Variants in ERBIN observed in about 807,000 individuals in gnomAD.
ERBIN encodes densin-180-like protein.
Under a neutral mutation model 158.4 loss-of-function variants are expected in ERBIN, and 60 were observed. The observed-to-expected ratio is 0.38, with a 90% CI of 0.31 to 0.47. The LOEUF is 0.47. ERBIN is among the 20% of genes least tolerant of loss of function. The probability of loss-of-function intolerance (pLI) is 0.99; values close to 1 mark genes in which losing one functional copy is unlikely to be tolerated. For missense variants in ERBIN, 1,610 were observed against 1,648.0 expected (o/e 0.98, Z 0.40); for synonymous variants, 594 against 557.2 (o/e 1.07, Z -0.93).
chr5:66,036,317 T>C (rs1349655737), intron 14 of ERBIN, among the ~76,000 whole-genome samples: 1 of 152,168 alleles, frequency 6.6e-6, no homozygotes, highest in Non-Finnish European at 1.5e-5. Flanking sequence ...TAAAACCTTT[T>C]CATTGTTTCT....
intron 1 of ERBIN, among the ~76,000 whole-genome samples, chr5:65,943,944 C>T (rs551040843): frequency 6.6e-6 from 1 of 152,276 alleles, no homozygotes; most frequent in South Asian, 2.1e-4. Context: ...GCATATTGTC[C>T]TCAAGGTTCA....
At chr5:66,062,771 A>G (rs759056370) in intron 21 of ERBIN, among the ~76,000 whole-genome samples, 14 of 152,158 alleles carry the variant, frequency 9.2e-5, no homozygotes, top group Non-Finnish European at 1.6e-4. Context: ...CACAACCCTC[A>G]GCTGCAGGTC....
chr5:65,979,588 T>C (rs1673610801), intron 1 of ERBIN, among the ~76,000 whole-genome samples: 1 of 152,226 alleles, frequency 6.6e-6, no homozygotes, highest in Non-Finnish European at 1.5e-5. Flanking sequence ...GAAAAGAACA[T>C]TAAGGCAATT....
intron 21 of ERBIN, among the ~76,000 whole-genome samples, chr5:66,058,431 A>G: frequency 6.6e-6 from 1 of 151,840 alleles, no homozygotes; most frequent in East Asian, 1.9e-4. Flanking sequence ...GATTCTGGAT[A>G]TTAGCCCTTT....
At chr5:65,956,469 C>T (rs1168642359) in intron 1 of ERBIN, among the ~76,000 whole-genome samples, 1 of 146,902 alleles carries the variant, frequency 6.8e-6, no homozygotes, top group Non-Finnish European at 1.5e-5. Flanking sequence ...CTTTGCCTCT[C>T]AGGCTCAAGC....
At chr5:66,023,928 C>T (rs1342519273) in intron 9 of ERBIN, among the ~76,000 whole-genome samples, 4 of 152,072 alleles carry the variant, frequency 2.6e-5, no homozygotes, top group East Asian at 3.9e-4. Flanking sequence ...CCGCCTGCCT[C>T]GGCCTACCAA....
At chr5:66,025,389 C>A in intron 10 of ERBIN, 91 bp from the exon 11 acceptor site, 1 of 925,996 alleles carries the variant, frequency 1.1e-6, no homozygotes, top group Non-Finnish European at 1.8e-6. Context: ...GTTTCTAATT[C>A]TTGTCAGATG....
chr5:66,062,247 A>T (rs187542531), intron 21 of ERBIN, among the ~76,000 whole-genome samples: 6,166 of 152,096 alleles, frequency 0.041, 418 homozygotes, highest in African/African-American at 0.14. Context: ...GTTTCTTTTT[A>T]TTCTTTTTTC....
chr5:66,026,277 T>C (rs777026938), intron 12 of ERBIN, 25 bp from the exon 13 acceptor site: 4 of 1,483,554 alleles, frequency 2.7e-6, no homozygotes, highest in Middle Eastern at 1.8e-4. Flanking sequence ...AATTTTTTGA[T>C]ACTCAGTTTA....
chr5:66,071,377 G>A (rs916957868), intron 21 of ERBIN, among the ~76,000 whole-genome samples: 1 of 151,954 alleles, frequency 6.6e-6, no homozygotes, highest in Non-Finnish European at 1.5e-5. Flanking sequence ...CAAAAAGAAA[G>A]AAAGAAAGAA....
intron 1 of ERBIN, among the ~76,000 whole-genome samples, chr5:65,947,864 A>G (rs565912562): frequency 1.3e-5 from 2 of 152,088 alleles, no homozygotes; most frequent in East Asian, 3.9e-4. Context: ...AAAATTAGCC[A>G]GGCATGGTGG....
At chr5:66,049,889 A>G (rs556130482) in intron 19 of ERBIN, among the ~76,000 whole-genome samples, 12 of 152,270 alleles carry the variant, frequency 7.9e-5, no homozygotes, top group African/African-American at 2.9e-4. Flanking sequence ...ATTGCTACAC[A>G]CACAACCACC....
intron 21 of ERBIN, among the ~76,000 whole-genome samples, chr5:66,063,077 G>A (rs957843045): frequency 3.9e-5 from 6 of 152,210 alleles, no homozygotes; most frequent in Admixed American, 1.3e-4. Context: ...TGTCAGACAG[G>A]GACATTTAAG....
intron 1 of ERBIN, among the ~76,000 whole-genome samples, chr5:65,981,281 T>TTTAA (rs1429635175): frequency 6.6e-6 from 1 of 152,156 alleles, no homozygotes; most frequent in African/African-American, 2.4e-5. Flanking sequence ...AGTGCTTAAA[T>TTTAA]TATTAAAGTA....
intron 9 of ERBIN, 54 bp downstream of exon 9, chr5:66,023,418 T>A (rs1322853355): frequency 8.9e-7 from 1 of 1,125,830 alleles, no homozygotes; most frequent in Non-Finnish European, 1.3e-6. Flanking sequence ...TCCTTTGCAG[T>A]TTTGTGAATT....
intron 1 of ERBIN, among the ~76,000 whole-genome samples, chr5:65,947,932 C>T (rs568098396): frequency 1.6e-3 from 233 of 150,008 alleles, no homozygotes; most frequent in African/African-American, 5.5e-3. Context: ...ACTTGAACCT[C>T]GGAGGCGGAG....
At chr5:66,057,969 A>G (rs1189147062) in intron 21 of ERBIN, among the ~76,000 whole-genome samples, 3 of 151,846 alleles carry the variant, frequency 2.0e-5, no homozygotes, top group East Asian at 1.9e-4. Flanking sequence ...AGTCTTTGCT[A>G]TTGTGAAGAG....
intron 6 of ERBIN, 37 bp from the exon 7 acceptor site, chr5:66,014,632 T>G: frequency 1.0e-6 from 1 of 976,380 alleles, no homozygotes; most frequent in Non-Finnish European, 1.5e-6. Context: ...ATTCATTGTC[T>G]TTGTCCTAAA....
chr5:66,054,478 G>A lies in ERBIN; in HGVS notation c.3160G>A (p.Gly1054Arg), dbSNP rs1228438127. Residue 1054 changes from glycine (G) to arginine (R), a missense_variant, in exon 21 of 26, where the codon GGG (glycine) becomes AGG (arginine). Around this residue, in one of 2 missense-constraint regions of ERBIN, gnomAD observed 1,014 missense variants for 936.1 expected, o/e 1.08. Coordinates refer to ENST00000284037, the MANE Select transcript of ERBIN (RefSeq NM_001253697.2). ...LHQRLGPARH[G>R]EMWAISPNDR... is the part of the protein sequence containing the mutation. ...TCAGAGACTTGGCCCAGCAAGACATGGGGAAATGTGGGCCATCTCACCAAA... is the reference window on the plus strand; with the variant it reads ...TCAGAGACTTGGCCCAGCAAGACATAGGGAAATGTGGGCCATCTCACCAAA... 1.9e-6 allele frequency: 3 copies of A among 1,614,132 alleles called. No individual in the cohort carries two copies. In the South Asian group the frequency reaches 3.3e-5, roughly 18 times the overall value.
Sources: gnomAD v4.1 joint callset for allele counts (sites outside exome capture counted in the v4.1 genomes callset) on GRCh38, gnomAD v4.1.1 for gene constraint, gnomAD v4.1.1 regional missense constraint, MANE v1.5 for transcripts, NCBI Gene and HGNC (gene_info 2026-07-23, HGNC 2026-07-21) for gene names.